Variants in ABLIM1 observed in about 807,000 individuals in gnomAD.
The protein encoded by ABLIM1 is actin binding LIM protein 1.
In ABLIM1, 40 loss-of-function variants were observed where a neutral mutation model predicts 107.0. The observed-to-expected ratio is 0.37, with a 90% CI of 0.29 to 0.49. The LOEUF (loss-of-function observed/expected upper bound fraction) is 0.49. ABLIM1 is among the 20% of genes least tolerant of loss of function. The pLI, the probability that ABLIM1 is intolerant of heterozygous loss-of-function variation, is 0.97. For missense variants in ABLIM1, 857 were observed against 1,008.5 expected, an observed-to-expected ratio of 0.85 and a Z score of 2.04; for synonymous variants, 357 against 357.3, an observed-to-expected ratio of 1.00 and a Z score of 0.01.
chr10:114,702,674 C>A (rs2141856473), intron 1 of ABLIM1, among the ~76,000 whole-genome samples: 1 of 152,016 alleles, frequency 6.6e-6, no homozygotes, highest in Non-Finnish European at 1.5e-5. Context: ...CTACAGGCGC[C>A]CGCCACCACG....
chr10:114,581,170 G>A (rs553938478), intron 2 of ABLIM1, among the ~76,000 whole-genome samples: 38 of 152,242 alleles, frequency 2.5e-4, no homozygotes, highest in African/African-American at 8.4e-4. Context: ...TTAGTAACAG[G>A]CATATTTTAA....
intron 12 of ABLIM1, among the ~76,000 whole-genome samples, chr10:114,458,513 T>C (rs1034001645): frequency 6.6e-5 from 10 of 152,300 alleles, no homozygotes; most frequent in African/African-American, 2.4e-4. Flanking sequence ...CTTTCTGGAC[T>C]CAGAGTGCTT....
rs2081458634 is a variant in ABLIM1, at chr10:114,707,927, AC to A, written c.-213+60133del. 1.3e-5 allele frequency among the ~76,000 whole-genome samples: 2 copies of A among 149,648 alleles called. No individual in the cohort carries two copies. The highest frequency in any genetic ancestry group is 6.6e-5 in the Admixed American group (1 of 15,112). Reference sequence around the variant, plus strand: ...AAAACAAACAAACAAACAAACAACAACAACAACAAAAAACCTAATTACCAAC... The same window carrying A: ...AAAACAAACAAACAAACAAACAACAAAACAACAAAAAACCTAATTACCAAC... On this transcript the variant is annotated intron_variant, in intron 1 of 15. Transcript: ENST00000651092. This position sits in a 1 kb window ranked among gnomAD's most constrained non-coding sequence, Gnocchi z 4.1.
intron 1 of ABLIM1, 67 bp from the exon 2 acceptor site, chr10:114,602,028 A>G (rs2076052769): frequency 2.5e-6 from 4 of 1,595,362 alleles, no homozygotes; most frequent in Non-Finnish European, 3.4e-6. Flanking sequence ...TCATCATGGT[A>G]TCTCTGTAAT....
At chr10:114,445,775 T>C (rs922906516) in intron 15 of ABLIM1, among the ~76,000 whole-genome samples, 10 of 152,158 alleles carry the variant, frequency 6.6e-5, no homozygotes, top group African/African-American at 2.2e-4. Context: ...AATTTCCTTT[T>C]TCCTTTCTTT....
chr10:114,655,687 C>T (rs927326136), intron 1 of ABLIM1, among the ~76,000 whole-genome samples: 2 of 152,186 alleles, frequency 1.3e-5, no homozygotes, highest in Non-Finnish European at 2.9e-5. Flanking sequence ...TAGGCATACT[C>T]AGCTGGTTCT....
intron 1 of ABLIM1, chr10:114,615,530 C>T (rs1222804470): frequency 1.3e-5 from 6 of 460,674 alleles, no homozygotes; most frequent in Non-Finnish European, 2.6e-5. Context: ...TTTTTCTTTT[C>T]CATCTTCTCC....
In ABLIM1 at chr10:114,468,185, G is replaced by C. The variant is rs2065603515; in HGVS notation, c.1307C>G (p.Ala436Gly). 6.2e-7 allele frequency: 1 copy of C among 1,612,910 alleles called. No homozygotes were observed. Among genetic ancestry groups the C allele is most frequent in the East Asian group, 2.2e-5 (1 of 44,886 alleles). Residue 436 changes from alanine (A) to glycine (G), a missense_variant, in exon 11 of 23, where the codon GCA becomes GGA. Transcript: ENST00000533213. Reference sequence around the variant, plus strand: ...ATAAAAAGAAATGGTACTTACTTCTGCTGATGGAGTAGGAGACAAAGTCCT... The same window carrying C: ...ATAAAAAGAAATGGTACTTACTTCTCCTGATGGAGTAGGAGACAAAGTCCT... ...SPRTLSPTPS[A>G]EGYQDVRDRM... is the part of the protein sequence containing the mutation.
the ABLIM1 span, among the ~76,000 whole-genome samples, chr10:114,789,791 G>T: frequency 2.7e-3 from 370 of 135,028 alleles, no homozygotes; most frequent in African/African-American, 8.5e-3. Flanking sequence ...ATGTATATTT[G>T]TTTTTTTTTT....
chr10:114,674,144 G>C (rs1478108785), intron 1 of ABLIM1, among the ~76,000 whole-genome samples: 4 of 151,948 alleles, frequency 2.6e-5, no homozygotes, highest in Non-Finnish European at 4.4e-5. Flanking sequence ...ACAAAAATCA[G>C]CCAGGTGTGG....
the ABLIM1 span, among the ~76,000 whole-genome samples, chr10:114,785,148 CA>C: frequency 6.6e-6 from 1 of 152,202 alleles, no homozygotes; most frequent in African/African-American, 2.4e-5. Flanking sequence ...TCCTATTTTA[CA>C]GTTTATAAAT....
At chr10:114,507,327 C>CA (rs957456839) in intron 6 of ABLIM1, among the ~76,000 whole-genome samples, 1 of 151,932 alleles carries the variant, frequency 6.6e-6, no homozygotes, top group Non-Finnish European at 1.5e-5. Flanking sequence ...GAAAAGGAAG[C>CA]AAAAAACCGA....
intron 1 of ABLIM1, among the ~76,000 whole-genome samples, chr10:114,745,605 C>T (rs182655148): frequency 2.8e-4 from 43 of 152,080 alleles, no homozygotes; most frequent in Admixed American, 1.1e-3. Context: ...CACAGTGGCT[C>T]ATGCCATTAA....
chr10:114,762,079 G>A (rs954089032), intron 1 of ABLIM1, among the ~76,000 whole-genome samples: 10 of 151,494 alleles, frequency 6.6e-5, no homozygotes, highest in Non-Finnish European at 1.3e-4. Flanking sequence ...TGTCGCCCAG[G>A]CTGGAGGGCA....
chr10:114,490,333 G>T (rs2058747044), intron 7 of ABLIM1, among the ~76,000 whole-genome samples: 1 of 152,146 alleles, frequency 6.6e-6, no homozygotes, highest in African/African-American at 2.4e-5. Flanking sequence ...AGAAGTTTGG[G>T]TTGTCAATTT....
intron 6 of ABLIM1, among the ~76,000 whole-genome samples, chr10:114,497,681 C>CAAAAAAAAAAAAAAAAAAAAAAAAAAAAA (rs576676119): frequency 1.3e-5 from 1 of 75,590 alleles, no homozygotes; most frequent in African/African-American, 5.1e-5. Context: ...GATTCTGTCT[C>CAAAAAAAAAAAAAAAAAAAAAAAAAAAAA]AAAAAAAAAA....
chr10:114,455,957 C>T (rs61870072), intron 12 of ABLIM1, among the ~76,000 whole-genome samples: 30,820 of 152,010 alleles, frequency 0.2, 3,946 homozygotes, highest in Middle Eastern at 0.3. Flanking sequence ...GGACTACAGG[C>T]GCCCGCCACC....
chr10:114,647,450 A>G (rs1442129424), intron 1 of ABLIM1, among the ~76,000 whole-genome samples: 4 of 152,242 alleles, frequency 2.6e-5, no homozygotes, highest in African/African-American at 9.6e-5. Flanking sequence ...TTCAGGGAAA[A>G]GACCAATATG....
At chr10:114,683,378 G>A (rs1316011838) in intron 1 of ABLIM1, among the ~76,000 whole-genome samples, 1 of 152,198 alleles carries the variant, frequency 6.6e-6, no homozygotes, top group Non-Finnish European at 1.5e-5. Flanking sequence ...TCATTTACAG[G>A]AGAAAACTGT....
Sources: allele counts gnomAD v4.1 joint callset (sites outside exome capture counted in the v4.1 genomes callset), GRCh38; gene constraint gnomAD v4.1.1; non-coding constraint Gnocchi (gnomAD v3.1); transcripts MANE v1.5; gene names NCBI Gene and HGNC (gene_info 2026-07-23, HGNC 2026-07-21).